The following FLNC variants were observed in gnomAD, a reference collection of about 807,000 sequenced individuals.
The protein encoded by FLNC is filamin-C.
In FLNC, 91 loss-of-function variants were observed where a neutral mutation model predicts 254.3. The ratio of observed to expected loss-of-function variants is 0.36; its 90% CI spans 0.30 to 0.43. The LOEUF (loss-of-function observed/expected upper bound fraction) is 0.43. FLNC is among the 20% of genes least tolerant of loss of function. The pLI, the probability that FLNC is intolerant of heterozygous loss-of-function variation, is 1.00. For missense variants in FLNC, 2,853 were observed against 3,802.6 expected (o/e 0.75, Z 6.57); for synonymous variants, 1,430 against 1,577.2 (o/e 0.91, Z 2.21).
chr7:128,838,112 GT>G (rs1330066630), intron 6 of FLNC, 48 bp downstream of exon 6: 2 of 1,565,016 alleles, frequency 1.3e-6, no homozygotes, highest in Non-Finnish European at 1.8e-6. Flanking sequence ...CACATCCTTG[GT>G]TCCGGCTGCA....
chr7:128,831,790 G>C (rs746169727), intron 1 of FLNC, among the ~76,000 whole-genome samples: 13 of 151,714 alleles, frequency 8.6e-5, no homozygotes, highest in Non-Finnish European at 1.9e-4. Flanking sequence ...ACCAGATTTG[G>C]AAGGTGTGTA....
Position 128,856,514 on chromosome 7 carries a change from G to A in FLNC, c.7252-4G>A, listed in dbSNP as rs1468507780. The A allele has an allele frequency of 1.2e-6, 2 of 1,611,736 alleles. No individual in the cohort carries two copies. On this transcript the variant is annotated splice_polypyrimidine_tract_variant and splice_region_variant and intron_variant, in intron 43 of 47. Transcript: ENST00000325888. The surrounding 1 kb of genome is among the most constrained non-coding windows in gnomAD (Gnocchi z 5.9). The stretch of plus-strand genomic sequence containing the variant: ...AGTCTGAGCATCCTCCGTGGCCTTT[G>A]CAGGAGACGGGGCTCAAGGTGAACC...
In FLNC at chr7:128,845,218, T is replaced by C. The variant is rs1228635169; in HGVS notation, c.3753T>C (p.Ser1251=). The C allele has an allele frequency of 7.4e-6, 12 of 1,613,708 alleles. No individual in the cohort carries two copies. Among genetic ancestry groups the C allele is most frequent in the Non-Finnish European group, 1.0e-5 (12 of 1,179,982 alleles). ...ATGTGCAGCCTGCGGTCGATACCAG[T>C]GGCGTCAAGGTCTCAGGGCCTGGTG... ...RVHVQPAVDT[S]GVKVSGPGVE... The change falls in exon 21 of 48, where the codon AGT becomes AGC. Residue 1251 remains serine (S), a synonymous_variant. Transcript: ENST00000325888.
chr7:128,844,706 G>A lies in FLNC; in HGVS notation c.3241G>A (p.Ala1081Thr), dbSNP rs781760817. 2.1e-5 allele frequency: 34 copies of A among 1,613,506 alleles called. No individual in the cohort carries two copies. Among genetic ancestry groups the A allele is most frequent in the Admixed American group, 5.0e-5 (3 of 60,008 alleles). Residue 1081 changes from alanine (A) to threonine (T), a missense_variant, in exon 21 of 48, where the codon GCG becomes ACG. This residue lies in a region of FLNC where 1,573 missense variants were observed against 1,883.5 expected (regional missense o/e 0.84). Coordinates refer to ENST00000325888, the MANE Select transcript of FLNC (RefSeq NM_001458.5). ...GLKGGLVGTP[A>T]PFSIDTKGAG... ...CAAGGGTGGACTGGTAGGCACCCCC[G>A]CGCCATTCTCCATCGACACCAAGGG...
At position 128,842,819 on chromosome 7, in the gene FLNC, C is replaced by T. The variant is rs376800693; in HGVS notation, c.2415C>T (p.Cys805=). ...GQGDVSIGIK[C]APGVVGPAEA... ...GCGACGTGAGCATCGGCATCAAGTG[C>T]GCCCCAGGCGTGGTGGGCCCTGCAG... Residue 805 remains cysteine, a synonymous_variant, in exon 16 of 48, where the codon TGC becomes TGT. Transcript: ENST00000325888. This position sits in a 1 kb window ranked among gnomAD's most constrained non-coding sequence, Gnocchi z 5.4. 76 of 1,613,808 alleles carry T rather than the reference C, an allele frequency of 4.7e-5. No individual in the cohort carries two copies. Among genetic ancestry groups the T allele is most frequent in the South Asian group, 3.7e-4 (34 of 91,082 alleles).
rs1328588433 is a variant in FLNC at position 128,857,100 on chromosome 7, G to A, written c.7562-18G>A. The stretch of plus-strand genomic sequence containing the variant: ...ACAAGCCCTTCCTGCCCTCAGCCTT[G>A]CTACCTCTGGCCCCCAGGTGTGTCA... On this transcript the variant is annotated intron_variant, in intron 45 of 47. Transcript: ENST00000325888. This position sits in a 1 kb window ranked among gnomAD's most constrained non-coding sequence, Gnocchi z 4.5. 1 of 1,612,494 alleles carries A rather than the reference G, an allele frequency of 6.2e-7. No homozygotes were observed. The highest frequency in any genetic ancestry group is 1.1e-5 in the South Asian group (1 of 91,054).
chr7:128,853,000 G>A lies in FLNC; in HGVS notation c.6177G>A (p.Val2059=). 6.2e-7 allele frequency: 1 copy of A among 1,613,420 alleles called. No homozygotes were observed. The highest frequency in any genetic ancestry group is 8.5e-7 in the Non-Finnish European group (1 of 1,180,016). The change falls in exon 37 of 48, where the codon GTG becomes GTA. Residue 2059 remains valine (V), a synonymous_variant. Coordinates refer to ENST00000325888, the MANE Select transcript of FLNC (RefSeq NM_001458.5). ...KGLSEGHTFQ[V]AEFIVDTRNA... ...TTTCCGAGGGACACACATTCCAGGT[G>A]GCAGAGTTCATCGTGGACACTCGCA...
In FLNC at chr7:128,852,172, C is replaced by T. The variant is rs141102443; in HGVS notation, c.5843-419C>T. On this transcript the variant is annotated intron_variant, in intron 35 of 47. Coordinates refer to ENST00000325888, the MANE Select transcript of FLNC (RefSeq NM_001458.5). The stretch of plus-strand genomic sequence containing the variant: ...AGCCACCACGCCCAGCATGAAGTCA[C>T]TCTTAAGAAGTTAGGGCACGGATAA... Among the ~76,000 whole-genome samples the T allele has an allele frequency of 2.9e-3, 440 of 152,262 alleles. 7 individuals carry two copies. The highest frequency in any genetic ancestry group is 0.01 in the African/African-American group (418 of 41,560).
chr7:128,845,095 C>T lies in FLNC; in HGVS notation c.3630C>T (p.Gly1210=), dbSNP rs771020495. The T allele has an allele frequency of 2.5e-6, 4 of 1,613,944 alleles. No individual in the cohort carries two copies. Among genetic ancestry groups the T allele is most frequent in the Non-Finnish European group, 3.4e-6 (4 of 1,180,040 alleles). ...TGCTGATCCACAACAACGCGGATGG[C>T]ACCTACCACATCACCTACAGCCCTG... ...AEVLIHNNAD[G]TYHITYSPAF... The change falls in exon 21 of 48, where the codon GGC becomes GGT. Residue 1210 remains glycine (G), a synonymous_variant. Coordinates refer to ENST00000325888, the MANE Select transcript of FLNC (RefSeq NM_001458.5).
chr7:128,843,719 C>G, intron 18 of FLNC, 77 bp from the exon 19 acceptor site: 1 of 1,506,906 alleles, frequency 6.6e-7, no homozygotes, highest in Non-Finnish European at 9.2e-7. Flanking sequence ...ATCTGAGCTT[C>G]AGAGCCCATA....
intron 1 of FLNC, 113 bp downstream of exon 1, chr7:128,831,102 C>CG: frequency 1.0e-6 from 1 of 977,714 alleles, no homozygotes; most frequent in Non-Finnish European, 1.5e-6. Flanking sequence ...CGGAGGGCAC[C>CG]CCCCGGTATA....
chr7:128,848,124 G>A, intron 26 of FLNC, 56 bp downstream of exon 26: 3 of 1,556,564 alleles, frequency 1.9e-6, no homozygotes, highest in Non-Finnish European at 1.7e-6. Flanking sequence ...TGCTCCTGCT[G>A]GGGTGGCACT....
In FLNC at chr7:128,854,027, C is replaced by T. The variant is rs779029827; in HGVS notation, c.6538C>T (p.Arg2180Cys). The change falls in exon 40 of 48, where the codon CGC becomes TGC. Residue 2180 changes from arginine to cysteine, a missense_variant. This residue lies in a region of FLNC where 551 missense variants were observed against 835.0 expected (regional missense o/e 0.66). Coordinates refer to ENST00000325888, the MANE Select transcript of FLNC (RefSeq NM_001458.5). The part of the protein sequence containing the change: ...AQERLTRTFT[R>C]SSHTYTRTER... ...GGAGCGCCTGACACGCACCTTCACA[C>T]GCAGCAGCCACACCTACACCCGCAC... is the stretch of plus-strand genomic sequence containing the variant. 41 of 1,612,984 alleles carry T rather than the reference C, an allele frequency of 2.5e-5. No individual in the cohort carries two copies. Among genetic ancestry groups the T allele is most frequent in the Admixed American group, 1.7e-4 (10 of 60,010 alleles).
At chr7:128,846,551 C>T (rs1808577237) in intron 23 of FLNC, 88 bp downstream of exon 23, 2 of 1,523,676 alleles carry the variant, frequency 1.3e-6, no homozygotes, top group Non-Finnish European at 1.8e-6. Flanking sequence ...TGGGCCTCAG[C>T]CCCACCCCAT....
rs750856173 is a variant in FLNC, at chr7:128,846,424, G to C, written c.4088G>C (p.Gly1363Ala). Residue 1363 changes from glycine (G) to alanine (A), a missense_variant, in exon 23 of 48, where the codon GGC (glycine) becomes GCC (alanine). Physicochemically the swap from Gly to Ala is moderately conservative, Grantham distance 60 (BLOSUM62 0). Coordinates refer to ENST00000325888, the MANE Select transcript of FLNC (RefSeq NM_001458.5). ...GCCTTCGGGCCAGGCCTGGAGGGTG[G>C]CTTGGTCAACAAGGCCAACCGATTC... ...VRAFGPGLEG[G>A]LVNKANRFTV... The C allele has an allele frequency of 1.1e-5, 17 of 1,605,798 alleles. No homozygotes were observed. Among genetic ancestry groups the C allele is most frequent in the Non-Finnish European group, 1.4e-5 (17 of 1,179,962 alleles).
intron 30 of FLNC, 146 bp downstream of exon 30, chr7:128,849,724 T>A: frequency 8.8e-7 from 1 of 1,136,576 alleles, no homozygotes; most frequent in Non-Finnish European, 1.3e-6. Context: ...GATGGAGCCT[T>A]AACTTTCCCC....
In FLNC at chr7:128,842,606, G is replaced by A. The variant is rs369935650; in HGVS notation, c.2297G>A (p.Arg766Gln). 6.5e-5 allele frequency: 101 copies of A among 1,549,960 alleles called. No homozygotes were observed. Among genetic ancestry groups the A allele is most frequent in the Admixed American group, 3.1e-4 (16 of 51,028 alleles). The change falls in exon 15 of 48, where the codon CGG (arginine) becomes CAG (glutamine). Residue 766 changes from arginine to glutamine, a missense_variant. By Grantham distance (43) the Arg-to-Gln change is conservative. Transcript: ENST00000325888. The surrounding 1 kb of genome is among the most constrained non-coding windows in gnomAD (Gnocchi z 5.4). Reference sequence around the variant, plus strand: ...GTGGGCGAGGGCAGCCACCCCGAGCGGGTAAAGGTGTACGGCCCCGGAGTG... The same window carrying A: ...GTGGGCGAGGGCAGCCACCCCGAGCAGGTAAAGGTGTACGGCCCCGGAGTG... Reference protein sequence around the residue: ...VNVGEGSHPERVKVYGPGVEK... With the variant: ...VNVGEGSHPEQVKVYGPGVEK...
Position 128,845,542 on chromosome 7 carries a change from CA to C in FLNC, c.3790+292del, listed in dbSNP as rs974579536. Among the ~76,000 whole-genome samples, 7 of 152,214 alleles carry C rather than the reference CA, an allele frequency of 4.6e-5. No homozygotes were observed. The South Asian group carries it at 6.2e-4, about 14-fold the overall frequency. ...CATGTGCTTAAGGGGTACCCTGATC[CA>C]AAAAGCTAAAACTCTGCTCTGGACG... On this transcript the variant is annotated intron_variant, in intron 21 of 47. Transcript: ENST00000325888.
Position 128,845,957 on chromosome 7 carries a change from A to G in FLNC, c.3791-33A>G, listed in dbSNP as rs1422229836. ...GAGCATCTGTGTGAAGGCTGCCCCC[A>G]CCCCTGCTGAACACGCCACCCCTGG... On this transcript the variant is annotated intron_variant, in intron 21 of 47. Transcript: ENST00000325888. The G allele has an allele frequency of 1.9e-6, 3 of 1,609,546 alleles. No homozygotes were observed. In the Admixed American group the frequency reaches 5.0e-5, roughly 27 times the overall value.
Sources: allele counts gnomAD v4.1 joint callset (sites outside exome capture counted in the v4.1 genomes callset), GRCh38; gene constraint gnomAD v4.1.1; regional missense constraint gnomAD v4.1.1; non-coding constraint Gnocchi (gnomAD v3.1); transcripts MANE v1.5; gene names NCBI Gene and HGNC (gene_info 2026-07-23, HGNC 2026-07-21).